EHMT1: variants seen among roughly 807,000 people sequenced by gnomAD.
EHMT1 encodes the protein euchromatic histone lysine methyltransferase 1.
EHMT1 carries 15 observed loss-of-function variants against 147.2 expected under a neutral mutation model. The observed-to-expected ratio is 0.10, with a 90% CI of 0.07 to 0.16. EHMT1 has a LOEUF of 0.16. EHMT1 is among the 10% of genes least tolerant of loss of function. The pLI is 1.00. For synonymous variants in EHMT1, 795 were observed against 709.6 expected (o/e 1.12, Z -1.91); for missense variants, 1,587 against 1,772.4 (o/e 0.90, Z 1.88).
intron 1 of EHMT1, among the ~76,000 whole-genome samples, chr9:137,708,074 A>C (rs1944408498): frequency 6.6e-6 from 1 of 152,212 alleles, no homozygotes; most frequent in Non-Finnish European, 1.5e-5. Context: ...AAAATAATAA[A>C]AGTAAACATG....
intron 10 of EHMT1, among the ~76,000 whole-genome samples, chr9:137,774,897 C>G (rs1431442568): frequency 6.6e-6 from 1 of 152,196 alleles, no homozygotes; most frequent in East Asian, 1.9e-4. Flanking sequence ...TGGGCGTTTC[C>G]TTCTCTGGGC....
At chr9:137,714,069 A>G (rs1944982239) in intron 2 of EHMT1, among the ~76,000 whole-genome samples, 1 of 152,240 alleles carries the variant, frequency 6.6e-6, no homozygotes. Context: ...TCTGCATAAA[A>G]GCTTGTGTCA....
At chr9:137,802,984 A>C (rs1334249347) in intron 18 of EHMT1, 2 of 1,232,184 alleles carry the variant, frequency 1.6e-6, no homozygotes, top group Non-Finnish European at 2.0e-6. Context: ...AAGCAAAGGC[A>C]GAGAACAAGG....
rs539566903 is a variant in EHMT1 at position 137,813,229 on chromosome 9, G to C, written c.3035+56G>C. ...AAATCAGCGGTCAGCAGGGCTTTGG[G>C]AACTTGCGGTGAAAGCTGCTCCTGA... On this transcript the variant is annotated intron_variant, in intron 20 of 26. Transcript: ENST00000460843. The surrounding 1 kb of genome is among the most constrained non-coding windows in gnomAD (Gnocchi z 4.9). The C allele has an allele frequency of 1.3e-6, 2 of 1,591,628 alleles. No individual in the cohort carries two copies.
Position 137,716,979 on chromosome 9 carries a change from C to A in EHMT1, c.439C>A (p.Leu147Met). 6.2e-7 allele frequency: 1 copy of A among 1,610,134 alleles called. No homozygotes were observed. Among genetic ancestry groups the A allele is most frequent in the Non-Finnish European group, 8.5e-7 (1 of 1,177,516 alleles). ...LRTTSTLASS[L>M]PGHAAKTLPG... ...GACTACCAGCACTCTGGCCTCTTCG[C>A]TGCCTGGCCATGCTGCAAAAACCCT... Residue 147 changes from leucine (L) to methionine (M), a missense_variant, in exon 3 of 27, where the codon CTG becomes ATG. Leu to Met is a conservative substitution (Grantham distance 15). Coordinates refer to ENST00000460843, the MANE Select transcript of EHMT1 (RefSeq NM_024757.5).
At chr9:137,725,123 A>C (rs1282894479) in intron 3 of EHMT1, among the ~76,000 whole-genome samples, 2 of 124,836 alleles carry the variant, frequency 1.6e-5, no homozygotes, top group South Asian at 5.6e-4. Context: ...TGTGGCATTC[A>C]TGGGGCATTC....
chr9:137,760,746 A>G (rs909418447), intron 9 of EHMT1, among the ~76,000 whole-genome samples: 3 of 152,246 alleles, frequency 2.0e-5, no homozygotes, highest in Admixed American at 2.0e-4. Context: ...AGGGCGGCTC[A>G]GGCCTGTAAT....
At chr9:137,833,879 A>G (rs981776692) in intron 25 of EHMT1, among the ~76,000 whole-genome samples, 3 of 152,084 alleles carry the variant, frequency 2.0e-5, no homozygotes, top group Non-Finnish European at 4.4e-5. Flanking sequence ...CCCTCTGGGG[A>G]CTGCTCCGCC....
chr9:137,695,304 C>T (rs1362402041), intron 1 of EHMT1, among the ~76,000 whole-genome samples: 1 of 152,160 alleles, frequency 6.6e-6, no homozygotes, highest in Non-Finnish European at 1.5e-5. Flanking sequence ...GCAGGTGAGC[C>T]CCAGAGCTTG....
intron 1 of EHMT1, among the ~76,000 whole-genome samples, chr9:137,633,823 A>ATT (rs4030112): frequency 3.6e-4 from 50 of 137,662 alleles, no homozygotes; most frequent in South Asian, 1.2e-3. Context: ...TCACTTTCTA[A>ATT]TTTTTTTTTT....
Position 137,728,385 on chromosome 9 carries a change from G to A in EHMT1, c.679G>A (p.Ala227Thr), listed in dbSNP as rs1564650516. 12 of 1,614,110 alleles carry A rather than the reference G, an allele frequency of 7.4e-6. No homozygotes were observed. Among genetic ancestry groups the A allele is most frequent in the Non-Finnish European group, 9.3e-6 (11 of 1,180,056 alleles). Residue 227 changes from alanine (A) to threonine (T), a missense_variant, in exon 4 of 27, where the codon GCT (alanine) becomes ACT (threonine). Around this residue, in one of 7 missense-constraint regions of EHMT1, gnomAD observed 810 missense variants for 673.0 expected, o/e 1.20. Coordinates refer to ENST00000460843, the MANE Select transcript of EHMT1 (RefSeq NM_024757.5). ...ASKDPREVRE[A>T]RDHKEPKEEI... ...TAAAGATCCCAGAGAAGTTCGAGAA[G>A]CTAGAGATCATAAGGAACCAAAAGA...
chr9:137,747,854 G>A (rs1948675332), intron 6 of EHMT1: 1 of 151,316 alleles, frequency 6.6e-6, no homozygotes, highest in Non-Finnish European at 1.5e-5. Context: ...TAACCGTGTA[G>A]GATGGTCGTG....
chr9:137,672,132 G>C, intron 1 of EHMT1, among the ~76,000 whole-genome samples: 1 of 152,254 alleles, frequency 6.6e-6, no homozygotes, highest in East Asian at 1.9e-4. Context: ...GTGCCATAGA[G>C]GGCGTGCAGC....
Position 137,802,772 on chromosome 9 carries a change from T to G in EHMT1, c.2712+1788T>G, listed in dbSNP as rs966069195. 1.6e-5 allele frequency: 20 copies of G among 1,222,356 alleles called. No individual in the cohort carries two copies. The African/African-American group carries it at 2.7e-4, about 16-fold the overall frequency. 75.7% of individuals were successfully genotyped at this position (1,222,356 alleles called of 1,614,324 possible). ...GTGACTGGTCCTGAGCTGCAGTGCC[T>G]CCTCCGTGGGCTGCAGGGCTTCCAT... On this transcript the variant is annotated intron_variant, in intron 18 of 26. Coordinates refer to ENST00000460843, the MANE Select transcript of EHMT1 (RefSeq NM_024757.5).
At chr9:137,791,595 A>G (rs1323534184) in intron 16 of EHMT1, among the ~76,000 whole-genome samples, 3 of 152,240 alleles carry the variant, frequency 2.0e-5, no homozygotes, top group Non-Finnish European at 2.9e-5. Context: ...ACTAACAAAC[A>G]TTGCTGAAGG....
At chr9:137,724,599 G>A (rs952485087) in intron 3 of EHMT1, among the ~76,000 whole-genome samples, 1 of 152,168 alleles carries the variant, frequency 6.6e-6, no homozygotes, top group African/African-American at 2.4e-5. Flanking sequence ...TTCTCTTCAG[G>A]TTTTGTTTTT....
chr9:137,766,730 A>G (rs1950243711), intron 10 of EHMT1, among the ~76,000 whole-genome samples: 1 of 152,208 alleles, frequency 6.6e-6, no homozygotes, highest in Admixed American at 6.5e-5. Flanking sequence ...GTCATTTTCT[A>G]CACTTTTGCT....
Position 137,716,784 on chromosome 9 carries a change from C to G in EHMT1, c.244C>G (p.Gln82Glu), listed in dbSNP as rs758426236. 2 of 1,613,216 alleles carry G rather than the reference C, an allele frequency of 1.2e-6. No individual in the cohort carries two copies. The highest frequency in any genetic ancestry group is 1.7e-6 in the Non-Finnish European group (2 of 1,179,840). Residue 82 changes from glutamine to glutamate, a missense_variant, in exon 3 of 27, where the codon CAG (glutamine) becomes GAG (glutamate). Gln to Glu is a conservative substitution (Grantham distance 29, BLOSUM62 2). Around this residue, in one of 7 missense-constraint regions of EHMT1, gnomAD observed 810 missense variants for 673.0 expected, o/e 1.20. Transcript: ENST00000460843. ...HTQDSARVNP[Q>E]DGTNTLTRIA... ...TCAGGACAGCGCAAGGGTCAACCCC[C>G]AGGATGGCACCAACACACTAACTCG...
chr9:137,620,688 C>T (rs746646670), intron 1 of EHMT1, among the ~76,000 whole-genome samples: 3 of 152,270 alleles, frequency 2.0e-5, no homozygotes, highest in Non-Finnish European at 2.9e-5. Flanking sequence ...CCATTGTGCC[C>T]GTCCTGTTGT....
Sources: gnomAD v4.1 joint callset for allele counts (sites outside exome capture counted in the v4.1 genomes callset) on GRCh38, gnomAD v4.1.1 for gene constraint, gnomAD v4.1.1 regional missense constraint, Gnocchi (gnomAD v3.1) non-coding constraint, MANE v1.5 for transcripts, NCBI Gene and HGNC (gene_info 2026-07-23, HGNC 2026-07-21) for gene names.